The following NCKAP5 variants were observed in gnomAD, a reference collection of about 807,000 sequenced individuals.
NCKAP5 encodes the protein NCK associated protein 5, also known as nck-associated protein 5.
NCKAP5 carries 92 observed loss-of-function variants against 167.0 expected under a neutral mutation model. The ratio of observed to expected loss-of-function variants is 0.55; its 90% confidence interval spans 0.47 to 0.66. The LOEUF is 0.66. NCKAP5 is among the 30% of genes least tolerant of loss of function. NCKAP5 has a pLI of 0.00. For synonymous variants in NCKAP5, 891 were observed against 877.4 expected (o/e 1.02, Z -0.27); for missense variants, 2,378 against 2,315.0 (o/e 1.03, Z -0.56).
chr2:132,784,576 T>G lies in NCKAP5; in HGVS notation c.2235A>C (p.Lys745Asn). 1 of 1,587,724 alleles carries G rather than the reference T, an allele frequency of 6.3e-7. No homozygotes were observed. Among genetic ancestry groups the G allele is most frequent in the South Asian group, 1.1e-5 (1 of 87,362 alleles). Residue 745 changes from lysine to asparagine, a missense_variant, in exon 14 of 20, where the codon AAA (lysine) becomes AAC (asparagine). Around this residue, in one of 3 missense-constraint regions of NCKAP5, gnomAD observed 1,049 missense variants for 1,023.4 expected, o/e 1.02. Coordinates refer to ENST00000409261, the MANE Select transcript of NCKAP5 (RefSeq NM_207363.3). ...SEEDTEKNIPKDNVDNVPRVS... is the reference protein window; with the variant it reads ...SEEDTEKNIPNDNVDNVPRVS... ...CCCTGGGAACATTATCTACATTATC[T>G]TTTGGAATGTTTTTCTCAGTGTCCT...
chr2:133,470,833 G>A (rs912917805), intron 3 of NCKAP5, among the ~76,000 whole-genome samples: 8 of 152,342 alleles, frequency 5.3e-5, no homozygotes, highest in African/African-American at 1.7e-4. Context: ...GACCCCTTGC[G>A]CTTCCCAAGT....
rs1243045284 is a variant in NCKAP5 at position 133,174,703 on chromosome 2, T to C, written c.207+39013A>G. ...ACAACAAAATATTCCAAGTAACATCTTTTTTTTTTTTTCTCCCCCCTGCTC... is the reference window on the plus strand; with the variant it reads ...ACAACAAAATATTCCAAGTAACATCCTTTTTTTTTTTTCTCCCCCCTGCTC... On this transcript the variant is annotated intron_variant, in intron 5 of 19. Coordinates refer to ENST00000409261, the MANE Select transcript of NCKAP5 (RefSeq NM_207363.3). Among the ~76,000 whole-genome samples, 8 of 26,760 alleles carry C rather than the reference T, an allele frequency of 3.0e-4. 1 individual carries two copies. The South Asian group carries it at 7.8e-3, about 26-fold the overall frequency. 17.6% of individuals were successfully genotyped at this position (26,760 alleles called of 152,430 possible).
At chr2:132,702,336 T>A (rs1687963562) in intron 19 of NCKAP5, among the ~76,000 whole-genome samples, 1 of 152,106 alleles carries the variant, frequency 6.6e-6, no homozygotes, top group African/African-American at 2.4e-5. Flanking sequence ...CCCAGAAATT[T>A]AAGGGGACTC....
intron 3 of NCKAP5, among the ~76,000 whole-genome samples, chr2:133,414,500 AT>A (rs1688980266): frequency 6.6e-6 from 1 of 152,170 alleles, no homozygotes; most frequent in Non-Finnish European, 1.5e-5. Context: ...GGGAGGATAA[AT>A]TCAGGTCATT....
intron 6 of NCKAP5, among the ~76,000 whole-genome samples, chr2:133,031,841 A>G (rs1164539247): frequency 6.6e-6 from 1 of 152,098 alleles, no homozygotes; most frequent in East Asian, 1.9e-4. Context: ...TTCCCAGACC[A>G]CATATCTAGA....
chr2:133,109,313 T>C (rs1484963261), intron 6 of NCKAP5, among the ~76,000 whole-genome samples: 1 of 152,230 alleles, frequency 6.6e-6, no homozygotes, highest in African/African-American at 2.4e-5. Flanking sequence ...CAAAGCAGTC[T>C]GGAAATAACA....
chr2:133,248,484 T>C (rs779790818), intron 4 of NCKAP5, among the ~76,000 whole-genome samples: 32 of 152,170 alleles, frequency 2.1e-4, no homozygotes, highest in Non-Finnish European at 3.2e-4. Flanking sequence ...GCAGGGAATA[T>C]AACATGTGAG....
intron 3 of NCKAP5, among the ~76,000 whole-genome samples, chr2:133,344,056 G>A (rs949883178): frequency 1.3e-5 from 2 of 152,154 alleles, no homozygotes; most frequent in South Asian, 2.1e-4. Context: ...TTAGGCAGGT[G>A]TCAGTCATTC....
upstream of NCKAP5, among the ~76,000 whole-genome samples, chr2:133,571,227 T>C (rs1688856122): frequency 6.6e-6 from 1 of 152,222 alleles, no homozygotes; most frequent in African/African-American, 2.4e-5. Context: ...CCACATATTA[T>C]AGGAACCTGA....
chr2:133,344,373 A>C (rs1334645404), intron 3 of NCKAP5, among the ~76,000 whole-genome samples: 1 of 147,946 alleles, frequency 6.8e-6, no homozygotes, highest in Non-Finnish European at 1.5e-5. Flanking sequence ...GCACCACTGC[A>C]CTCCAGCCTG....
In NCKAP5 at chr2:133,117,740, G is replaced by T. The variant is rs76023817; in HGVS notation, c.341+12238C>A. 65 of 152,298 alleles carry T rather than the reference G, an allele frequency of 4.3e-4. No homozygotes were observed. The East Asian group carries it at 9.8e-3, about 23-fold the overall frequency. The allele number at this position is 152,298 out of a possible 1,614,324, so 9.4% of individuals were successfully genotyped here. ...AATAATGTGAATTGCTGAGGGAACA[G>T]AAATCAATTTTTAAAGTGTTTCTGA... On this transcript the variant is annotated intron_variant, in intron 6 of 19. Transcript: ENST00000409261.
chr2:133,038,952 A>G (rs1336244348), intron 6 of NCKAP5, among the ~76,000 whole-genome samples: 1 of 152,170 alleles, frequency 6.6e-6, no homozygotes, highest in African/African-American at 2.4e-5. Flanking sequence ...AAAAATGTCC[A>G]AAAACATTGC....
At chr2:132,673,929 C>G (rs750980372) in intron 19 of NCKAP5, among the ~76,000 whole-genome samples, 14 of 152,088 alleles carry the variant, frequency 9.2e-5, no homozygotes, top group Non-Finnish European at 2.1e-4. Flanking sequence ...TCCAGAAGGT[C>G]TAGTAATACC....
At chr2:133,245,891 A>G (rs1205345368) in intron 4 of NCKAP5, among the ~76,000 whole-genome samples, 1 of 137,074 alleles carries the variant, frequency 7.3e-6, no homozygotes, top group East Asian at 2.1e-4. Flanking sequence ...TTTTGATTTG[A>G]TCAGGAAAAA....
chr2:133,488,725 G>A (rs1322304644), intron 3 of NCKAP5, among the ~76,000 whole-genome samples: 1 of 151,960 alleles, frequency 6.6e-6, no homozygotes, highest in Non-Finnish European at 1.5e-5. Context: ...AGATCAAGAC[G>A]GCCAACACGG....
At chr2:132,736,920 C>G (rs189149145) in intron 16 of NCKAP5, among the ~76,000 whole-genome samples, 1 of 152,210 alleles carries the variant, frequency 6.6e-6, no homozygotes, top group South Asian at 2.1e-4. Context: ...GATGTACCAA[C>G]GGGCTTCATC....
At chr2:132,862,776 AAAC>A (rs1205329235) in intron 10 of NCKAP5, among the ~76,000 whole-genome samples, 1,421 of 141,458 alleles carry the variant, frequency 0.01, 22 homozygotes, top group African/African-American at 0.036. Flanking sequence ...AAAAAAAAAA[AAAC>A]CAAAAAAAAA....
Position 133,136,062 on chromosome 2 carries a change from A to G in NCKAP5, c.208-5951T>C, listed in dbSNP as rs115063259. Among the ~76,000 whole-genome samples, 207 of 152,316 alleles carry G rather than the reference A, an allele frequency of 1.4e-3. 2 individuals are homozygous for G. The highest frequency in any genetic ancestry group is 6.8e-3 in the Middle Eastern group (2 of 294). Reference sequence around the variant, plus strand: ...ATTTTAAATATGATTTTGATGTAAGAATGGAGAGGATAACTTAATCACAAA... The same window carrying G: ...ATTTTAAATATGATTTTGATGTAAGGATGGAGAGGATAACTTAATCACAAA... On this transcript the variant is annotated intron_variant, in intron 5 of 19. Coordinates refer to ENST00000409261, the MANE Select transcript of NCKAP5 (RefSeq NM_207363.3).
At chr2:133,195,768 T>A (rs2085408683) in intron 5 of NCKAP5, among the ~76,000 whole-genome samples, 1 of 151,958 alleles carries the variant, frequency 6.6e-6, no homozygotes, top group Non-Finnish European at 1.5e-5. Context: ...CTTAGACAAA[T>A]GGTACTGAAA....
Sources: gnomAD v4.1 joint callset for allele counts (sites outside exome capture counted in the v4.1 genomes callset) on GRCh38, gnomAD v4.1.1 for gene constraint, gnomAD v4.1.1 regional missense constraint, MANE v1.5 for transcripts, NCBI Gene and HGNC (gene_info 2026-07-23, HGNC 2026-07-21) for gene names.